Variants in DOLPP1 observed in about 807,000 individuals in gnomAD.
DOLPP1 encodes the protein dolichyl pyrophosphate phosphatase 1.
In DOLPP1, 15 loss-of-function variants were observed where a neutral mutation model predicts 34.1. The observed-to-expected ratio is 0.44, with a 90% CI of 0.29 to 0.68. The LOEUF is 0.68. Among genes scored for constraint, DOLPP1 ranks in the 30% least tolerant of loss-of-function variants. The pLI, the probability that DOLPP1 is intolerant of heterozygous loss-of-function variation, is 0.12. For missense variants in DOLPP1, 249 were observed against 307.1 expected, an observed-to-expected ratio of 0.81 and a Z score of 1.41; for synonymous variants, 130 against 128.2, an observed-to-expected ratio of 1.01 and a Z score of -0.10.
intron 6 of DOLPP1, among the ~76,000 whole-genome samples, 199 bp from the exon 7 acceptor site, chr9:129,086,510 C>T (rs1382910632): frequency 2.0e-5 from 3 of 152,150 alleles, no homozygotes; most frequent in Non-Finnish European, 2.9e-5. Flanking sequence ...CTGTGTGTGC[C>T]GTGGGACAGT....
chr9:129,083,187 G>C (rs1846922702), intron 1 of DOLPP1, among the ~76,000 whole-genome samples: 1 of 152,172 alleles, frequency 6.6e-6, no homozygotes, highest in South Asian at 2.1e-4. Context: ...GCAGTGGGAG[G>C]CCTGAGGGGG....
intron 1 of DOLPP1, among the ~76,000 whole-genome samples, chr9:129,084,165 G>A (rs1365178083): frequency 1.3e-5 from 2 of 152,218 alleles, no homozygotes; most frequent in Non-Finnish European, 1.5e-5. Flanking sequence ...TGGAGGCCCA[G>A]GGCTCAGCCA....
In DOLPP1 at chr9:129,089,115, C is replaced by A; in HGVS notation, c.*108C>A. 9.0e-7 allele frequency: 1 copy of A among 1,115,666 alleles called. No individual in the cohort carries two copies. Among genetic ancestry groups the A allele is most frequent in the South Asian group, 1.4e-5 (1 of 73,952 alleles). 69.1% of individuals were successfully genotyped at this position (1,115,666 alleles called of 1,614,324 possible). ...AGCAGAGACCTCTACAGACCCAAGTCACCAAGTGGAGCCTTTTTTTTTCTT... is the reference window on the plus strand; with the variant it reads ...AGCAGAGACCTCTACAGACCCAAGTAACCAAGTGGAGCCTTTTTTTTTCTT... On this transcript the variant is annotated 3_prime_UTR_variant, in exon 8 of 8. Coordinates refer to ENST00000372546, the MANE Select transcript of DOLPP1 (RefSeq NM_020438.5). This position sits in a 1 kb window ranked among gnomAD's most constrained non-coding sequence, Gnocchi z 4.9.
chr9:129,085,324 T>C lies in DOLPP1; in HGVS notation c.362+18T>C. 1.2e-6 allele frequency: 2 copies of C among 1,608,606 alleles called. No individual in the cohort carries two copies. The highest frequency in any genetic ancestry group is 1.7e-5 in the Admixed American group (1 of 60,014). On this transcript the variant is annotated intron_variant, in intron 4 of 7. Transcript: ENST00000372546. The surrounding 1 kb of genome is among the most constrained non-coding windows in gnomAD (Gnocchi z 7.0). Reference sequence around the variant, plus strand: ...TATTTAAGGTGAGTTTCCACCCCGGTCAGGATGGCCCTGAACTTGCTCAGG... The same window carrying C: ...TATTTAAGGTGAGTTTCCACCCCGGCCAGGATGGCCCTGAACTTGCTCAGG...
rs372117395 is a variant in DOLPP1, at chr9:129,085,191, C to G, written c.263-16C>G. 8.7e-6 allele frequency: 14 copies of G among 1,611,790 alleles called. No homozygotes were observed. Among genetic ancestry groups the G allele is most frequent in the Non-Finnish European group, 1.1e-5 (13 of 1,178,114 alleles). On this transcript the variant is annotated splice_polypyrimidine_tract_variant and intron_variant, in intron 3 of 7. Coordinates refer to ENST00000372546, the MANE Select transcript of DOLPP1 (RefSeq NM_020438.5). The surrounding 1 kb of genome is among the most constrained non-coding windows in gnomAD (Gnocchi z 7.0). ...CTGCATCCCCCCGTGATGCCCTGGT[C>G]TCCTCTCTCTCCCAGGCCCCCACAC... is the stretch of plus-strand genomic sequence containing the variant.
Position 129,085,763 on chromosome 9 carries a change from G to A in DOLPP1, c.461+147G>A. ...GGGTCCCAGACCTCTAGTTTTAAAA[G>A]GACAGGGCTCCAGCTGCCTCTTCTA... On this transcript the variant is annotated intron_variant, in intron 5 of 7. Coordinates refer to ENST00000372546, the MANE Select transcript of DOLPP1 (RefSeq NM_020438.5). This position sits in a 1 kb window ranked among gnomAD's most constrained non-coding sequence, Gnocchi z 7.0. 1 of 664,186 alleles carries A rather than the reference G, an allele frequency of 1.5e-6. No individual in the cohort carries two copies. The allele number at this position is 664,186 out of a possible 1,614,324, so 41.1% of individuals were successfully genotyped here. A position where few individuals can be genotyped will look rare whatever the true frequency, so the allele number is the denominator to read the frequency against.
At chr9:129,081,245 G>A (rs1351019419) in intron 1 of DOLPP1, 38 bp downstream of exon 1, 1 of 1,603,114 alleles carries the variant, frequency 6.2e-7, no homozygotes, top group African/African-American at 1.3e-5. Context: ...GCCTTCCCAG[G>A]GACGGCCTCT....
chr9:129,084,218 C>T (rs535826835), intron 1 of DOLPP1, among the ~76,000 whole-genome samples: 4 of 152,174 alleles, frequency 2.6e-5, no homozygotes, highest in African/African-American at 7.2e-5. Context: ...ATGTGCCTGC[C>T]GGGCTGCCTC....
chr9:129,088,458 C>T (rs1167267726), intron 7 of DOLPP1, among the ~76,000 whole-genome samples: 1 of 152,124 alleles, frequency 6.6e-6, no homozygotes, highest in African/African-American at 2.4e-5. Flanking sequence ...CTGGTTCCCT[C>T]AGGTTCCTGG....
chr9:129,086,116 C>T, intron 5 of DOLPP1, 23 bp from the exon 6 acceptor site: 1 of 1,610,830 alleles, frequency 6.2e-7, no homozygotes. Flanking sequence ...CTCTCACATA[C>T]TTCGCTTCTG....
rs2131419170 is a variant in DOLPP1, at chr9:129,088,981, C to T, written c.691C>T (p.Arg231Cys). ...VTRAEARNRQ[R>C]KLGTKLQ ...CATCCTGTTTTGCAGGAACAGACAA[C>T]GCAAGCTGGGGACGAAACTGCAGTG... The change falls in exon 8 of 8, where the codon CGC becomes TGC. Residue 231 changes from arginine to cysteine, a missense_variant. Arg to Cys is a radical substitution (Grantham distance 180). Transcript: ENST00000372546. 3.7e-6 allele frequency: 6 copies of T among 1,613,888 alleles called. No individual in the cohort carries two copies. The highest frequency in any genetic ancestry group is 5.1e-6 in the Non-Finnish European group (6 of 1,179,966).
chr9:129,087,817 G>A (rs1399757125), intron 7 of DOLPP1, among the ~76,000 whole-genome samples: 5 of 152,050 alleles, frequency 3.3e-5, no homozygotes, highest in Non-Finnish European at 7.4e-5. Context: ...AAAGGGGATT[G>A]GAGGGGGTTA....
At chr9:129,084,545 C>T (rs1846948204) in intron 1 of DOLPP1, 123 bp from the exon 2 acceptor site, 6 of 783,002 alleles carry the variant, frequency 7.7e-6, no homozygotes, top group Middle Eastern at 2.3e-4. Flanking sequence ...CCCTGGCTGC[C>T]TGGCCTCCAT....
At chr9:129,086,496 T>G (rs1846991229) in intron 6 of DOLPP1, among the ~76,000 whole-genome samples, 1 of 152,210 alleles carries the variant, frequency 6.6e-6, no homozygotes, top group African/African-American at 2.4e-5. Flanking sequence ...TGAGTCCTGC[T>G]GGGCTGTGTG....
rs149746696 is a variant in DOLPP1 at position 129,089,922 on chromosome 9, T to C, written c.*915T>C. 2 of 152,514 alleles carry C rather than the reference T, an allele frequency of 1.3e-5. No homozygotes were observed. The highest frequency in any genetic ancestry group is 4.8e-5 in the African/African-American group (2 of 41,588). 9.4% of individuals were successfully genotyped at this position (152,514 alleles called of 1,614,324 possible). ...CTTCCCTCTGTGTGCTCTGAATATG[T>C]CCTTGTCCTTCCTGACCCATCTCTG... On this transcript the variant is annotated 3_prime_UTR_variant, in exon 8 of 8. Transcript: ENST00000372546. This position sits in a 1 kb window ranked among gnomAD's most constrained non-coding sequence, Gnocchi z 4.9.
At chr9:129,081,236 C>G (rs747161698) in intron 1 of DOLPP1, 29 bp downstream of exon 1, 5 of 1,604,750 alleles carry the variant, frequency 3.1e-6, no homozygotes, top group Middle Eastern at 1.6e-4. Flanking sequence ...TCCAAGGACG[C>G]CTTCCCAGGG....
At position 129,086,799 on chromosome 9, in the gene DOLPP1, G is replaced by A. The variant is rs1409408356; in HGVS notation, c.680+1G>A. The A allele has an allele frequency of 6.2e-7, 1 of 1,613,334 alleles. No homozygotes were observed. The highest frequency in any genetic ancestry group is 8.5e-7 in the Non-Finnish European group (1 of 1,179,888). On this transcript the variant is annotated splice_donor_variant, in intron 7 of 7. Transcript: ENST00000372546. LOFTEE classifies it high-confidence loss of function. ...ACACGGTAACCCGGGCAGAAGCCAG[G>A]TGAGTTCAGGGGACAGCAGTGCTCA... is the stretch of plus-strand genomic sequence containing the variant.
At position 129,088,537 on chromosome 9, in the gene DOLPP1, TCTC is replaced by T. The variant is rs201492828; in HGVS notation, c.681-431_681-429del. On this transcript the variant is annotated intron_variant, in intron 7 of 7. Coordinates refer to ENST00000372546, the MANE Select transcript of DOLPP1 (RefSeq NM_020438.5). The stretch of plus-strand genomic sequence containing the variant: ...CCCCTCAGTAACCTCCATCAGTAGT[TCTC>T]CTGCTTTCGCTTGCATACCTCCCGG... 1.1e-4 allele frequency among the ~76,000 whole-genome samples: 16 copies of T among 152,228 alleles called. No individual in the cohort carries two copies. The East Asian group carries it at 2.7e-3, about 26-fold the overall frequency.
At chr9:129,086,115 A>G (rs749969053) in intron 5 of DOLPP1, 24 bp from the exon 6 acceptor site, 43 of 1,610,690 alleles carry the variant, frequency 2.7e-5, no homozygotes, top group Non-Finnish European at 3.5e-5. Context: ...GCTCTCACAT[A>G]CTTCGCTTCT....
Sources: allele counts gnomAD v4.1 joint callset (sites outside exome capture counted in the v4.1 genomes callset), GRCh38; gene constraint gnomAD v4.1.1; non-coding constraint Gnocchi (gnomAD v3.1); transcripts MANE v1.5; gene names NCBI Gene and HGNC (gene_info 2026-07-23, HGNC 2026-07-21).